SATB2: variants seen among roughly 807,000 people sequenced by gnomAD.
The protein encoded by SATB2 is DNA-binding protein SATB2.
A neutral mutation model predicts 73.4 loss-of-function variants in SATB2; 1 was observed. The observed-to-expected ratio is 0.01, with a 90% CI of 0.00 to 0.06. SATB2 has a LOEUF of 0.06. Ranked by LOEUF, SATB2 falls within the 10% of genes least tolerant of loss-of-function variation. The pLI is 1.00. For missense variants in SATB2, 459 were observed against 945.8 expected (o/e 0.49, Z 6.75); for synonymous variants, 397 against 367.0 (o/e 1.08, Z -0.93).
intron 3 of SATB2, among the ~76,000 whole-genome samples, chr2:199,403,461 A>G (rs1177933159): frequency 1.3e-5 from 2 of 152,186 alleles, no homozygotes. Flanking sequence ...TAACTTTATC[A>G]GCAAAATTTT....
At chr2:199,280,657 C>A (rs891541180) in intron 10 of SATB2, among the ~76,000 whole-genome samples, 1 of 152,130 alleles carries the variant, frequency 6.6e-6, no homozygotes, top group African/African-American at 2.4e-5. Context: ...AAGCCCCAGT[C>A]TCCCGTAGCA....
intron 10 of SATB2, among the ~76,000 whole-genome samples, chr2:199,305,356 AG>A (rs1559152164): frequency 6.6e-6 from 1 of 151,576 alleles, no homozygotes; most frequent in Admixed American, 6.6e-5. Context: ...GGGGGGTAAA[AG>A]GTGGGAGGAG....
At chr2:199,422,004 A>T (rs1691186198) in intron 3 of SATB2, among the ~76,000 whole-genome samples, 1 of 152,230 alleles carries the variant, frequency 6.6e-6, no homozygotes, top group South Asian at 2.1e-4. Flanking sequence ...TTTACTGACC[A>T]TTCCTAAATC....
At chr2:199,286,011 C>T (rs1692677297) in intron 10 of SATB2, among the ~76,000 whole-genome samples, 1 of 150,718 alleles carries the variant, frequency 6.6e-6, no homozygotes, top group African/African-American at 2.4e-5. Flanking sequence ...TATTGTGACA[C>T]AATAGGCTGT....
intron 2 of SATB2, among the ~76,000 whole-genome samples, chr2:199,437,934 T>G (rs1013626708): frequency 3.3e-5 from 5 of 152,184 alleles, no homozygotes; most frequent in Non-Finnish European, 5.9e-5. Flanking sequence ...TTAAAGTGTT[T>G]AACATGCCCC....
intron 2 of SATB2, among the ~76,000 whole-genome samples, chr2:199,444,077 C>T (rs1023251584): frequency 9.9e-5 from 15 of 151,988 alleles, no homozygotes; most frequent in Non-Finnish European, 1.8e-4. Flanking sequence ...AAAAACAGAA[C>T]AGAGAAAACT....
In SATB2 at chr2:199,348,917, T is replaced by C; in HGVS notation, c.957A>G (p.Gln319=). 1 of 1,614,114 alleles carries C rather than the reference T, an allele frequency of 6.2e-7. No individual in the cohort carries two copies. The highest frequency in any genetic ancestry group is 8.5e-7 in the Non-Finnish European group (1 of 1,179,996). Residue 319 remains glutamine, a synonymous_variant, in exon 7 of 11, where the codon CAA becomes CAG. Coordinates refer to ENST00000417098, the MANE Select transcript of SATB2 (RefSeq NM_001172509.2). ...QQIAMAHLIN[Q]QIAVSRLLAH... ...CCAGGAGCCGGCTAACGGCAATCTGTTGGTTTATCAGATGGGCCATGGCTA... is the reference window on the plus strand; with the variant it reads ...CCAGGAGCCGGCTAACGGCAATCTGCTGGTTTATCAGATGGGCCATGGCTA...
At chr2:199,313,270 AGTT>A (rs898952101) in intron 9 of SATB2, among the ~76,000 whole-genome samples, 10 of 152,176 alleles carry the variant, frequency 6.6e-5, no homozygotes, top group Non-Finnish European at 1.5e-5. Context: ...CAAAATAAAA[AGTT>A]TTTTTTAGAT....
chr2:199,443,760 T>C (rs977459260), intron 2 of SATB2, among the ~76,000 whole-genome samples: 2 of 151,982 alleles, frequency 1.3e-5, no homozygotes, highest in Non-Finnish European at 2.9e-5. Context: ...ATTCAACAAA[T>C]GCATCCATCA....
At chr2:199,422,212 C>T (rs773122441) in intron 3 of SATB2, among the ~76,000 whole-genome samples, 1 of 151,894 alleles carries the variant, frequency 6.6e-6, no homozygotes, top group Non-Finnish European at 1.5e-5. Context: ...GAACTATAAC[C>T]AAAGGGAAGC....
chr2:199,452,599 T>C (rs1159016957), intron 2 of SATB2, among the ~76,000 whole-genome samples: 1 of 152,136 alleles, frequency 6.6e-6, no homozygotes, highest in African/African-American at 2.4e-5. Flanking sequence ...TTCCCCACCA[T>C]TAATCATCCT....
Position 199,271,892 on chromosome 2 carries a change from G to A in SATB2, c.*319C>T, listed in dbSNP as rs1692168440. 2.5e-6 allele frequency: 1 copy of A among 394,264 alleles called. No homozygotes were observed. Among genetic ancestry groups the A allele is most frequent in the African/African-American group, 2.0e-5 (1 of 48,844 alleles). 24.4% of individuals were successfully genotyped at this position (394,264 alleles called of 1,614,324 possible). ...CTGATGTAACTTCCGTTAAGTGCAA[G>A]GATAATGAAGGCAGAGTCTCCTGTG... On this transcript the variant is annotated 3_prime_UTR_variant, in exon 11 of 11. Transcript: ENST00000417098.
chr2:199,305,429 T>G (rs1687404595), intron 10 of SATB2, among the ~76,000 whole-genome samples: 1 of 152,166 alleles, frequency 6.6e-6, no homozygotes, highest in South Asian at 2.1e-4. Flanking sequence ...ATGAAATATC[T>G]GTACAACAGG....
chr2:199,291,209 T>A (rs1023002365), intron 10 of SATB2, among the ~76,000 whole-genome samples: 14 of 152,214 alleles, frequency 9.2e-5, no homozygotes, highest in African/African-American at 3.4e-4. Context: ...TGTATATATT[T>A]TTTTGCCCCC....
chr2:199,309,487 T>C (rs1339896682), intron 9 of SATB2, among the ~76,000 whole-genome samples: 2 of 152,192 alleles, frequency 1.3e-5, no homozygotes, highest in East Asian at 3.9e-4. Flanking sequence ...AAGAAATGTA[T>C]ATTTGCTCAA....
rs780938796 is a variant in SATB2, at chr2:199,272,702, C to T, written c.1741-30G>A. 5.7e-6 allele frequency: 9 copies of T among 1,588,480 alleles called. No individual in the cohort carries two copies. The highest frequency in any genetic ancestry group is 3.3e-5 in the South Asian group (3 of 90,554). ...TAATTAAGAGAGAAAAAAATGAACA[C>T]TGGACTCATGATTTTACCTTTCCAA... On this transcript the variant is annotated intron_variant, in intron 10 of 10. Transcript: ENST00000417098. This position sits in a 1 kb window ranked among gnomAD's most constrained non-coding sequence, Gnocchi z 6.7.
upstream of SATB2, chr2:199,459,953 G>A (rs1692436621): frequency 6.6e-6 from 1 of 152,568 alleles, no homozygotes; most frequent in Admixed American, 6.5e-5. This position sits in a 1 kb window ranked among gnomAD's most constrained non-coding sequence, Gnocchi z 4.2. Flanking sequence ...CCCGGCCTAA[G>A]TGTCGGCGCC....
intron 10 of SATB2, among the ~76,000 whole-genome samples, chr2:199,306,269 CTG>C (rs1307268278): frequency 2.0e-5 from 3 of 152,134 alleles, no homozygotes; most frequent in Non-Finnish European, 4.4e-5. Context: ...CATATTATGA[CTG>C]TAATAAACAA....
intron 2 of SATB2, among the ~76,000 whole-genome samples, chr2:199,442,755 T>A (rs1691855560): frequency 6.6e-6 from 1 of 151,888 alleles, no homozygotes; most frequent in African/African-American, 2.4e-5. Flanking sequence ...CTAAAATAAA[T>A]AATTAAATAA....
Sources: allele counts gnomAD v4.1 joint callset (sites outside exome capture counted in the v4.1 genomes callset), GRCh38; gene constraint gnomAD v4.1.1; non-coding constraint Gnocchi (gnomAD v3.1); transcripts MANE v1.5; gene names NCBI Gene and HGNC (gene_info 2026-07-23, HGNC 2026-07-21).